Variants in BICC1 observed in about 807,000 individuals in gnomAD.
BICC1 encodes the protein BicC family RNA binding protein 1.
A neutral mutation model predicts 111.0 loss-of-function variants in BICC1; 43 were observed. The observed-to-expected ratio is 0.39, with a 90% confidence interval of 0.30 to 0.50. The LOEUF is 0.50. Among genes scored for constraint, BICC1 ranks in the 20% least tolerant of loss-of-function variants. The pLI is 0.88. For synonymous variants in BICC1, 467 were observed against 434.4 expected (o/e 1.07, Z -0.93); for missense variants, 1,091 against 1,203.2 (o/e 0.91, Z 1.38).
At position 58,828,815 on chromosome 10, in the gene BICC1, T is replaced by G. The variant is rs1844474329; in HGVS notation, c.2849T>G (p.Phe950Cys). ...LFESPNARTS[F>C]LEGGASGRLP... is the part of the protein sequence containing the mutation. ...GAATCGCCAAATGCACGCACCTCTT[T>G]CCTGGAAGGTGGAGCGAGTGGAAGG... The change falls in exon 21 of 21, where the codon TTC (phenylalanine) becomes TGC (cysteine). Residue 950 changes from phenylalanine to cysteine, a missense_variant. This residue lies in a region of BICC1 where 231 missense variants were observed against 256.2 expected (regional missense o/e 0.90). Transcript: ENST00000373886. 1 of 1,613,960 alleles carries G rather than the reference T, an allele frequency of 6.2e-7. No individual in the cohort carries two copies. Among genetic ancestry groups the G allele is most frequent in the East Asian group, 2.2e-5 (1 of 44,848 alleles).
At chr10:58,686,962 A>C (rs537913887) in intron 2 of BICC1, among the ~76,000 whole-genome samples, 17 of 152,014 alleles carry the variant, frequency 1.1e-4, no homozygotes, top group Non-Finnish European at 2.4e-4. Flanking sequence ...GATTTTTAGA[A>C]TTTTCAGCTT....
At chr10:58,810,543 C>T (rs1490047558) in intron 17 of BICC1, among the ~76,000 whole-genome samples, 1 of 151,466 alleles carries the variant, frequency 6.6e-6, no homozygotes, top group Non-Finnish European at 1.5e-5. Context: ...ATCCCAAATT[C>T]TTTGAAATGT....
At chr10:58,740,598 AAAG>A (rs1841628769) in intron 3 of BICC1, among the ~76,000 whole-genome samples, 1 of 152,020 alleles carries the variant, frequency 6.6e-6, no homozygotes, top group South Asian at 2.1e-4. Context: ...ATTTGGGTGA[AAAG>A]AAAAAAAACC....
intron 14 of BICC1, among the ~76,000 whole-genome samples, chr10:58,802,617 G>A (rs887558836): frequency 2.0e-5 from 3 of 152,088 alleles, no homozygotes; most frequent in African/African-American, 7.2e-5. Context: ...TCATACACAC[G>A]AATTGGATCA....
At chr10:58,734,639 A>G (rs1841413779) in intron 3 of BICC1, among the ~76,000 whole-genome samples, 1 of 152,172 alleles carries the variant, frequency 6.6e-6, no homozygotes, top group Non-Finnish European at 1.5e-5. Flanking sequence ...ATTGGTGGTA[A>G]TCTTGTATTA....
In BICC1 at chr10:58,682,087, A is replaced by C. The variant is rs1418261003; in HGVS notation, c.238-19987A>C. On this transcript the variant is annotated intron_variant, in intron 2 of 20. Transcript: ENST00000373886. The stretch of plus-strand genomic sequence containing the variant: ...CTGTGTCCAAGTGTTCTCATTGTTC[A>C]GTTCCCACCTGTGAGTGAGAACATG... Among the ~76,000 whole-genome samples, 4 of 133,748 alleles carry C rather than the reference A, an allele frequency of 3.0e-5. No homozygotes were observed. In the East Asian group the frequency reaches 8.9e-4, roughly 30 times the overall value. 87.7% of individuals were successfully genotyped at this position (133,748 alleles called of 152,430 possible).
At chr10:58,625,228 G>A (rs1845952460) in intron 2 of BICC1, among the ~76,000 whole-genome samples, 1 of 152,172 alleles carries the variant, frequency 6.6e-6, no homozygotes, top group Non-Finnish European at 1.5e-5. Context: ...GTTGTTCATG[G>A]CTTACTCACT....
intron 8 of BICC1, among the ~76,000 whole-genome samples, chr10:58,792,934 ATACCAAAG>A (rs2132828277): frequency 6.6e-6 from 1 of 152,216 alleles, no homozygotes; most frequent in East Asian, 1.9e-4. Context: ...CTGAGTTAAG[ATACCAAAG>A]TACAAGATCC....
At chr10:58,517,571 G>C (rs911615502) in intron 1 of BICC1, among the ~76,000 whole-genome samples, 4 of 152,198 alleles carry the variant, frequency 2.6e-5, no homozygotes, top group Non-Finnish European at 5.9e-5. Context: ...AATAAACAGA[G>C]TTTTCTAGCT....
At chr10:58,799,366 A>T (rs1267173535) in intron 12 of BICC1, 114 bp downstream of exon 12, 2 of 670,944 alleles carry the variant, frequency 3.0e-6, no homozygotes, top group African/African-American at 1.8e-5. Context: ...TGTTTGTAAG[A>T]GATAAACCCC....
intron 1 of BICC1, among the ~76,000 whole-genome samples, chr10:58,607,806 A>G (rs1465569360): frequency 1.3e-5 from 2 of 152,264 alleles, no homozygotes; most frequent in Non-Finnish European, 2.9e-5. Flanking sequence ...AATAACTGCT[A>G]CATGGCTGTC....
intron 2 of BICC1, among the ~76,000 whole-genome samples, chr10:58,631,776 A>G (rs939901524): frequency 2.6e-5 from 4 of 152,250 alleles, no homozygotes; most frequent in Admixed American, 2.6e-4. Context: ...AAAAATAACC[A>G]GCTTCAATTT....
rs113625376 is a variant in BICC1 at position 58,807,528 on chromosome 10, C to T, written c.2376+370C>T. Among the ~76,000 whole-genome samples the T allele has an allele frequency of 3.5e-3, 531 of 152,150 alleles. 7 individuals carry two copies. The highest frequency in any genetic ancestry group is 0.012 in the African/African-American group (512 of 41,518). Reference sequence around the variant, plus strand: ...TCCAAGGGTTTCACTAGCAAGGTCACGATGGGGGAAAAGGCAAATATTCAA... The same window carrying T: ...TCCAAGGGTTTCACTAGCAAGGTCATGATGGGGGAAAAGGCAAATATTCAA... On this transcript the variant is annotated intron_variant, in intron 17 of 20. Transcript: ENST00000373886.
chr10:58,586,539 G>A (rs1484140574), intron 1 of BICC1, among the ~76,000 whole-genome samples: 1 of 151,322 alleles, frequency 6.6e-6, no homozygotes, highest in Non-Finnish European at 1.5e-5. Flanking sequence ...TTGGGGGCGG[G>A]GGGGCGCGGA....
At chr10:58,727,156 A>C (rs1841132415) in intron 3 of BICC1, among the ~76,000 whole-genome samples, 1 of 152,222 alleles carries the variant, frequency 6.6e-6, no homozygotes, top group South Asian at 2.1e-4. Context: ...ACTATACCAT[A>C]GAAAATGGAA....
intron 2 of BICC1, among the ~76,000 whole-genome samples, chr10:58,626,965 G>A (rs1405851522): frequency 6.6e-6 from 1 of 152,156 alleles, no homozygotes; most frequent in Non-Finnish European, 1.5e-5. Context: ...TTAGCTGGGC[G>A]ATGGTGCATG....
chr10:58,728,747 T>C (rs1456909817), intron 3 of BICC1, among the ~76,000 whole-genome samples: 2 of 152,210 alleles, frequency 1.3e-5, no homozygotes, highest in Non-Finnish European at 2.9e-5. Flanking sequence ...ATTACTCCTC[T>C]ATCCATGGGG....
Position 58,787,001 on chromosome 10 carries a change from A to T in BICC1, c.466A>T (p.Lys156Ter). The change falls in exon 5 of 21, where the codon AAA (lysine) becomes TAA (stop). Residue 156 changes from lysine to a stop codon, truncating the protein, a stop_gained. Coordinates refer to ENST00000373886, the MANE Select transcript of BICC1 (RefSeq NM_001080512.3). LOFTEE classifies it high-confidence loss of function. Reference protein sequence around the residue: ...HVIGKGGNNIKKVMEETGCHI... With the variant: ...HVIGKGGNNI ...AATCGGCAAAGGTGGCAACAATATT[A>T]AAAAAGTGATGGAAGAAACCGGATG... 2 of 1,609,642 alleles carry T rather than the reference A, an allele frequency of 1.2e-6. No individual in the cohort carries two copies. The highest frequency in any genetic ancestry group is 1.7e-6 in the Non-Finnish European group (2 of 1,178,236).
intron 1 of BICC1, among the ~76,000 whole-genome samples, chr10:58,574,907 C>T (rs1396319462): frequency 6.6e-6 from 1 of 152,092 alleles, no homozygotes. Context: ...ATCTGTCCCT[C>T]TCACTCTTCA....
Sources: allele counts gnomAD v4.1 joint callset (sites outside exome capture counted in the v4.1 genomes callset), GRCh38; gene constraint gnomAD v4.1.1; regional missense constraint gnomAD v4.1.1; transcripts MANE v1.5; gene names NCBI Gene and HGNC (gene_info 2026-07-23, HGNC 2026-07-21).